PPP2R2B: variants seen among roughly 807,000 people sequenced by gnomAD.
PPP2R2B encodes the protein serine/threonine-protein phosphatase 2A 55 kDa regulatory subunit B beta isoform.
A neutral mutation model predicts 46.0 loss-of-function variants in PPP2R2B; 5 were observed. The observed-to-expected ratio is 0.11, with a 90% CI of 0.06 to 0.23. PPP2R2B has a LOEUF of 0.23. Among genes scored for constraint, PPP2R2B ranks in the 10% least tolerant of loss-of-function variants. PPP2R2B has a pLI of 1.00. For synonymous variants in PPP2R2B, 215 were observed against 206.7 expected (o/e 1.04, Z -0.34); for missense variants, 367 against 575.0 (o/e 0.64, Z 3.70).
intron 1 of PPP2R2B, among the ~76,000 whole-genome samples, chr5:146,927,367 C>A (rs1763815701): frequency 6.6e-6 from 1 of 152,176 alleles, no homozygotes; most frequent in African/African-American, 2.4e-5. Flanking sequence ...TTAAGTCCAA[C>A]ACTTGCTAGT....
At chr5:146,686,094 G>A (rs934325020) in intron 5 of PPP2R2B, among the ~76,000 whole-genome samples, 4 of 152,182 alleles carry the variant, frequency 2.6e-5, no homozygotes, top group African/African-American at 9.7e-5. Flanking sequence ...CTAGCCATGA[G>A]ATTTTGGGCA....
chr5:146,906,544 A>G (rs1763003919), intron 1 of PPP2R2B, among the ~76,000 whole-genome samples: 1 of 151,752 alleles, frequency 6.6e-6, no homozygotes, highest in Non-Finnish European at 1.5e-5. Context: ...CTGATCTCGA[A>G]CTCCCGATCT....
intron 7 of PPP2R2B, among the ~76,000 whole-genome samples, chr5:146,634,523 CG>C (rs1180836348): frequency 3.3e-5 from 5 of 151,900 alleles, no homozygotes; most frequent in African/African-American, 9.7e-5. Context: ...TTAGTAGAGA[CG>C]GGGTTTCACC....
chr5:147,030,001 T>C (rs1193545763), intron 1 of PPP2R2B, among the ~76,000 whole-genome samples: 1 of 152,218 alleles, frequency 6.6e-6, no homozygotes, highest in East Asian at 1.9e-4. Flanking sequence ...CATTTCTATA[T>C]AAATTAAGAA....
intron 1 of PPP2R2B, among the ~76,000 whole-genome samples, chr5:147,022,193 G>C (rs1330522402): frequency 6.6e-6 from 1 of 152,094 alleles, no homozygotes; most frequent in African/African-American, 2.4e-5. Context: ...TCAAGTCATT[G>C]AACATACTGC....
At chr5:147,068,676 GA>G (rs1757484170) in intron 2 of PPP2R2B, among the ~76,000 whole-genome samples, 1 of 152,126 alleles carries the variant, frequency 6.6e-6, no homozygotes, top group African/African-American at 2.4e-5. Flanking sequence ...CGCTTTACAT[GA>G]ATCATTGACT....
chr5:146,848,208 T>A (rs1760124304), intron 2 of PPP2R2B, among the ~76,000 whole-genome samples: 1 of 152,190 alleles, frequency 6.6e-6, no homozygotes, highest in African/African-American at 2.4e-5. Flanking sequence ...ATGGAACAGA[T>A]AGTACAGAGA....
chr5:146,600,659 T>C (rs1227943443), intron 7 of PPP2R2B, among the ~76,000 whole-genome samples, 199 bp from the exon 8 acceptor site: 2 of 152,146 alleles, frequency 1.3e-5, no homozygotes, highest in Non-Finnish European at 2.9e-5. Context: ...ATTTTAATTC[T>C]CATGGAAGGA....
chr5:146,676,237 T>A (rs187704356), intron 5 of PPP2R2B, among the ~76,000 whole-genome samples: 47 of 152,252 alleles, frequency 3.1e-4, no homozygotes, highest in Admixed American at 2.2e-3. Flanking sequence ...CATTTAGCTA[T>A]CTGGGCAAAG....
intron 2 of PPP2R2B, chr5:146,707,539 G>T: frequency 1.4e-6 from 1 of 725,364 alleles, no homozygotes. Context: ...AGGAGCAGCT[G>T]CAGAAGGCCC....
chr5:146,929,924 C>T (rs1763911335), intron 1 of PPP2R2B, among the ~76,000 whole-genome samples: 1 of 152,108 alleles, frequency 6.6e-6, no homozygotes, highest in African/African-American at 2.4e-5. Context: ...TAAGAACTCC[C>T]ACAATTTTAC....
chr5:146,775,349 A>G (rs1755119014), intron 2 of PPP2R2B, among the ~76,000 whole-genome samples: 1 of 152,208 alleles, frequency 6.6e-6, no homozygotes, highest in African/African-American at 2.4e-5. Flanking sequence ...ATGAAAATCA[A>G]TGAGTGTAAT....
At chr5:146,657,741 C>T (rs1466278572) in intron 5 of PPP2R2B, among the ~76,000 whole-genome samples, 1 of 152,174 alleles carries the variant, frequency 6.6e-6, no homozygotes, top group Non-Finnish European at 1.5e-5. Flanking sequence ...ATCCCCAGCT[C>T]ATTATGATAC....
intron 2 of PPP2R2B, among the ~76,000 whole-genome samples, chr5:146,755,880 G>A (rs1340441273): frequency 1.3e-5 from 2 of 152,198 alleles, no homozygotes; most frequent in Non-Finnish European, 2.9e-5. Context: ...CAAAGCTTAT[G>A]CATTTTCAGT....
chr5:147,053,169 G>T (rs974937717), intron 1 of PPP2R2B, among the ~76,000 whole-genome samples: 2 of 150,580 alleles, frequency 1.3e-5, no homozygotes, highest in Non-Finnish European at 3.0e-5. Flanking sequence ...TCTCTCATTT[G>T]ACATGTAACA....
At chr5:146,961,551 A>G (rs1752173914) in intron 1 of PPP2R2B, among the ~76,000 whole-genome samples, 1 of 152,200 alleles carries the variant, frequency 6.6e-6, no homozygotes, top group African/African-American at 2.4e-5. Context: ...AATTACTAGG[A>G]AGCTTGAACA....
chr5:147,044,957 T>C (rs1435149767), intron 1 of PPP2R2B, among the ~76,000 whole-genome samples: 1 of 152,222 alleles, frequency 6.6e-6, no homozygotes, highest in African/African-American at 2.4e-5. Context: ...TTCACTCCTA[T>C]GCCTGGAATG....
chr5:146,750,767 A>ATATGTT (rs1241752660), intron 2 of PPP2R2B, among the ~76,000 whole-genome samples: 1 of 152,220 alleles, frequency 6.6e-6, no homozygotes, highest in Non-Finnish European at 1.5e-5. Flanking sequence ...AACATAAGCC[A>ATATGTT]GAAATCTATT....
At chr5:146,786,892 A>G (rs1755872997) in intron 2 of PPP2R2B, among the ~76,000 whole-genome samples, 1 of 152,240 alleles carries the variant, frequency 6.6e-6, no homozygotes, top group African/African-American at 2.4e-5. Flanking sequence ...GCTTTTCTTT[A>G]TAACGAAGCT....
Sources: gnomAD v4.1 joint callset for allele counts (sites outside exome capture counted in the v4.1 genomes callset) on GRCh38, gnomAD v4.1.1 for gene constraint, MANE v1.5 for transcripts, NCBI Gene and HGNC (gene_info 2026-07-23, HGNC 2026-07-21) for gene names.